The following CAND1 variants were observed in gnomAD, a reference collection of about 807,000 sequenced individuals.
The protein encoded by CAND1 is cullin associated and neddylation dissociated 1, also known as cullin-associated NEDD8-dissociated protein 1.
Under a neutral mutation model 108.5 loss-of-function variants are expected in CAND1, and 7 were observed. That is an observed-to-expected ratio of 0.06 (90% CI 0.04 to 0.12). The LOEUF (loss-of-function observed/expected upper bound fraction) is 0.12, where lower values mean the gene tolerates loss of function less well. Among genes scored for constraint, CAND1 ranks in the 10% least tolerant of loss-of-function variants. The pLI, the probability that CAND1 is intolerant of heterozygous loss-of-function variation, is 1.00. For synonymous variants in CAND1, 534 were observed against 512.0 expected (o/e 1.04, Z -0.58); for missense variants, 941 against 1,448.7 (o/e 0.65, Z 5.69).
chr12:67,306,793 A>G (rs2044891207), intron 10 of CAND1, among the ~76,000 whole-genome samples, 196 bp downstream of exon 10: 1 of 152,164 alleles, frequency 6.6e-6, no homozygotes, highest in African/African-American at 2.4e-5. Context: ...ATAGTGTGGT[A>G]ATTAGATAAT....
At chr12:67,285,804 GC>G (rs2044665072) in intron 2 of CAND1, among the ~76,000 whole-genome samples, 1 of 152,038 alleles carries the variant, frequency 6.6e-6, no homozygotes, top group Non-Finnish European at 1.5e-5. Context: ...CCTGTGTCTG[GC>G]TATTTTTGCT....
At chr12:67,269,897 C>A (rs1592598177) in intron 1 of CAND1, 112 bp downstream of exon 1, 1 of 841,476 alleles carries the variant, frequency 1.2e-6, no homozygotes, top group Non-Finnish European at 1.9e-6. Context: ...CTTCTCTGCC[C>A]CGAAGTCTCC....
At chr12:67,312,372 T>C (rs1007099419) in intron 14 of CAND1, among the ~76,000 whole-genome samples, 2 of 152,076 alleles carry the variant, frequency 1.3e-5, no homozygotes, top group Non-Finnish European at 2.9e-5. Flanking sequence ...TTTGTTACAA[T>C]CATTTGGGTC....
At position 67,302,044 on chromosome 12, in the gene CAND1, G is replaced by A. The variant is rs145162309; in HGVS notation, c.1001-279G>A. ...ATGTGTTAATTGATGATTTTAAAGG[G>A]TTAAAATAAGCAGCAGTTCATTACA... is the stretch of plus-strand genomic sequence containing the variant. On this transcript the variant is annotated intron_variant, in intron 7 of 14. Coordinates refer to ENST00000545606, the MANE Select transcript of CAND1 (RefSeq NM_018448.5). 9.9e-5 allele frequency among the ~76,000 whole-genome samples: 15 copies of A among 152,210 alleles called. No individual in the cohort carries two copies. The East Asian group carries it at 2.9e-3, about 29-fold the overall frequency.
rs2044983569 is a variant in CAND1 at position 67,314,115 on chromosome 12, T to A, written c.*1285T>A. The A allele has an allele frequency of 1.3e-5, 2 of 152,204 alleles. No homozygotes were observed. The highest frequency in any genetic ancestry group is 2.9e-5 in the Non-Finnish European group (2 of 67,990). The allele number at this position is 152,204 out of a possible 1,614,324, so 9.4% of individuals were successfully genotyped here. ...GTGGTGCTCCTGTAACAGTAAGAAC[T>A]AATTCTGAAATAAAAGACATCTCCT... is the stretch of plus-strand genomic sequence containing the variant. On this transcript the variant is annotated 3_prime_UTR_variant, in exon 15 of 15. Transcript: ENST00000545606.
At chr12:67,273,089 A>G (rs1471030872) in intron 1 of CAND1, among the ~76,000 whole-genome samples, 1 of 152,242 alleles carries the variant, frequency 6.6e-6, no homozygotes, top group African/African-American at 2.4e-5. Context: ...TTACTAGGAT[A>G]GTGCCTGTTA....
intron 1 of CAND1, among the ~76,000 whole-genome samples, chr12:67,274,077 G>A (rs2135988373): frequency 6.6e-6 from 1 of 152,252 alleles, no homozygotes; most frequent in Middle Eastern, 3.4e-3. Flanking sequence ...ACCCAGCTAT[G>A]TCACTTCTCC....
chr12:67,272,158 T>C (rs2044526593), intron 1 of CAND1, among the ~76,000 whole-genome samples: 1 of 152,236 alleles, frequency 6.6e-6, no homozygotes, highest in Non-Finnish European at 1.5e-5. Flanking sequence ...ATGACCAACA[T>C]GTGCAAAGCA....
intron 3 of CAND1, among the ~76,000 whole-genome samples, chr12:67,294,360 G>A (rs1198482234): frequency 4.6e-5 from 7 of 151,984 alleles, no homozygotes; most frequent in Non-Finnish European, 7.4e-5. Context: ...GAATCTTTGG[G>A]TTGGAAAGGA....
chr12:67,308,430 G>A (rs2044911920), intron 11 of CAND1, among the ~76,000 whole-genome samples: 1 of 152,060 alleles, frequency 6.6e-6, no homozygotes, highest in Non-Finnish European at 1.5e-5. Context: ...GTTTATTGAG[G>A]ACATTGGTAT....
chr12:67,285,306 A>G (rs1197037685), intron 2 of CAND1, among the ~76,000 whole-genome samples: 4 of 152,220 alleles, frequency 2.6e-5, no homozygotes, highest in African/African-American at 9.6e-5. Context: ...GAGATATTTC[A>G]TGTCCTTGGA....
At chr12:67,281,017 G>C (rs1483747064) in intron 1 of CAND1, among the ~76,000 whole-genome samples, 10 of 152,058 alleles carry the variant, frequency 6.6e-5, no homozygotes, top group African/African-American at 9.7e-5. Context: ...GAGGTAGGTG[G>C]ATTCCCTGAG....
chr12:67,269,493 A>G lies in CAND1; in HGVS notation c.-225A>G, dbSNP rs1020611086. On this transcript the variant is annotated 5_prime_UTR_variant, in exon 1 of 15. It removes the in-frame stop codon of an upstream open reading frame in the 5' UTR. Transcript: ENST00000545606. ...TTCTCACGCGAACAGCGCCGTCGTT[A>G]GGCTGGCTCTGTAGCCTCGGCTTAC... is the stretch of plus-strand genomic sequence containing the variant. The G allele has an allele frequency of 3.8e-6, 2 of 526,588 alleles. No homozygotes were observed. Among genetic ancestry groups the G allele is most frequent in the Non-Finnish European group, 6.6e-6 (2 of 303,038 alleles). 32.6% of individuals were successfully genotyped at this position (526,588 alleles called of 1,614,324 possible).
chr12:67,279,335 G>A (rs1425208401), intron 1 of CAND1, among the ~76,000 whole-genome samples: 1 of 152,208 alleles, frequency 6.6e-6, no homozygotes, highest in East Asian at 1.9e-4. Context: ...TGTGCCCTTA[G>A]CACCATACCT....
At chr12:67,287,857 A>ATTTTTTTTTTTTTTTTTTTT (rs34177330) in intron 2 of CAND1, among the ~76,000 whole-genome samples, 5 of 112,590 alleles carry the variant, frequency 4.4e-5, no homozygotes, top group East Asian at 2.6e-4. Context: ...TTTTGATGTG[A>ATTTTTTTTTTTTTTTTTTTT]TTTTTTTTTT....
At position 67,312,599 on chromosome 12, in the gene CAND1, C is replaced by T. The variant is rs2044963550; in HGVS notation, c.3469-7C>T. ...AGCATGTAATCTAAGTTTACTCCAT[C>T]TTACAGGTAAAGGCAAACTCAGTAA... On this transcript the variant is annotated splice_polypyrimidine_tract_variant and splice_region_variant and intron_variant, in intron 14 of 14. Transcript: ENST00000545606. 6.3e-7 allele frequency: 1 copy of T among 1,581,856 alleles called. No individual in the cohort carries two copies. Among genetic ancestry groups the T allele is most frequent in the East Asian group, 2.2e-5 (1 of 44,584 alleles).
chr12:67,313,019 T>A lies in CAND1; in HGVS notation c.*189T>A. Reference sequence around the variant, plus strand: ...GTAGCATTTATTTCAGAAATGTGTATTTCCATAATCCAGAGGTTGTAAAAC... The same window carrying A: ...GTAGCATTTATTTCAGAAATGTGTAATTCCATAATCCAGAGGTTGTAAAAC... On this transcript the variant is annotated 3_prime_UTR_variant, in exon 15 of 15. Coordinates refer to ENST00000545606, the MANE Select transcript of CAND1 (RefSeq NM_018448.5). 1.9e-6 allele frequency: 1 copy of A among 518,560 alleles called. No homozygotes were observed. The highest frequency in any genetic ancestry group is 2.8e-5 in the South Asian group (1 of 35,482). 32.1% of individuals were successfully genotyped at this position (518,560 alleles called of 1,614,324 possible). A position where few individuals can be genotyped will look rare whatever the true frequency, so the allele number is the denominator to read the frequency against.
At chr12:67,270,189 T>G in intron 1 of CAND1, 2 of 177,886 alleles carry the variant, frequency 1.1e-5, no homozygotes, top group Non-Finnish European at 1.2e-5. Flanking sequence ...CCTGCGGCGC[T>G]AGGCCGCCTT....
chr12:67,295,282 T>C, intron 4 of CAND1, 126 bp downstream of exon 4: 1 of 807,842 alleles, frequency 1.2e-6, no homozygotes. Flanking sequence ...GTGGCTGTTT[T>C]ATCAATTTGT....
Sources: allele counts gnomAD v4.1 joint callset (sites outside exome capture counted in the v4.1 genomes callset), GRCh38; gene constraint gnomAD v4.1.1; transcripts MANE v1.5; gene names NCBI Gene and HGNC (gene_info 2026-07-23, HGNC 2026-07-21).